The following PATJ variants were observed in gnomAD, a reference collection of about 807,000 sequenced individuals.
The protein encoded by PATJ is PATJ crumbs cell polarity complex component, also known as inaD-like protein.
In PATJ, 190 loss-of-function variants were observed where a neutral mutation model predicts 224.9. That is an observed-to-expected ratio of 0.84 (90% CI 0.75 to 0.95). The LOEUF is 0.95. Among genes scored for constraint, PATJ ranks in the 40% least tolerant of loss-of-function variants. The pLI, the probability that PATJ is intolerant of heterozygous loss-of-function variation, is 0.00. For missense variants in PATJ, 2,121 were observed against 2,270.3 expected, an observed-to-expected ratio of 0.93 and a Z score of 1.34; for synonymous variants, 769 against 820.3, an observed-to-expected ratio of 0.94 and a Z score of 1.07.
At chr1:61,965,769 A>G (rs1167706913) in intron 27 of PATJ, among the ~76,000 whole-genome samples, 1 of 152,220 alleles carries the variant, frequency 6.6e-6, no homozygotes, top group East Asian at 1.9e-4. Context: ...GTTTTAACCG[A>G]GGAGGCAGTG....
chr1:61,908,455 T>C lies in PATJ; in HGVS notation c.3465T>C (p.Ile1155=). 6.2e-7 allele frequency: 1 copy of C among 1,613,654 alleles called. No homozygotes were observed. The highest frequency in any genetic ancestry group is 1.3e-5 in the African/African-American group (1 of 75,038). ...IKNAGNPVVF[I]VQSLSSTPRV... ...ATGCAGGAAACCCTGTGGTGTTCAT[T>C]GTTCAGAGTTTGTCATCCACTCCAC... The change falls in exon 25 of 44, where the codon ATT becomes ATC. Residue 1155 remains isoleucine, a synonymous_variant. Coordinates refer to ENST00000642238, the MANE Select transcript of PATJ (RefSeq NM_001350145.3).
chr1:61,824,830 T>C (rs1195734929), intron 15 of PATJ, among the ~76,000 whole-genome samples: 9 of 152,156 alleles, frequency 5.9e-5, no homozygotes, highest in Admixed American at 5.9e-4. Context: ...GTATAGAAAG[T>C]ATAGGTGATC....
At chr1:61,984,821 C>T (rs935187755) in intron 27 of PATJ, among the ~76,000 whole-genome samples, 1 of 151,986 alleles carries the variant, frequency 6.6e-6, no homozygotes, top group African/African-American at 2.4e-5. Flanking sequence ...TTTCTCAATG[C>T]TCTTATCTCT....
chr1:61,924,897 C>A (rs1327938143), intron 26 of PATJ, among the ~76,000 whole-genome samples: 1 of 151,960 alleles, frequency 6.6e-6, no homozygotes, highest in Admixed American at 6.6e-5. Flanking sequence ...CAGTAGGACC[C>A]AAGACATGTT....
At chr1:61,786,687 A>C (rs1648603738) in intron 7 of PATJ, among the ~76,000 whole-genome samples, 1 of 151,970 alleles carries the variant, frequency 6.6e-6, no homozygotes, top group Non-Finnish European at 1.5e-5. Flanking sequence ...GATCCTATTG[A>C]CAGTTTATTA....
At chr1:61,869,381 G>T (rs1228846519) in intron 20 of PATJ, among the ~76,000 whole-genome samples, 3 of 152,104 alleles carry the variant, frequency 2.0e-5, no homozygotes, top group African/African-American at 7.2e-5. Flanking sequence ...TAACATTTTT[G>T]ATTATGTTGA....
At chr1:61,864,008 T>C (rs756368845) in intron 19 of PATJ, among the ~76,000 whole-genome samples, 13 of 152,258 alleles carry the variant, frequency 8.5e-5, no homozygotes, top group Admixed American at 2.6e-4. Flanking sequence ...ATCATTCACC[T>C]TGCCAAGGGC....
At chr1:62,141,444 A>G (rs1041757843) in intron 41 of PATJ, among the ~76,000 whole-genome samples, 2 of 151,316 alleles carry the variant, frequency 1.3e-5, no homozygotes, top group Admixed American at 6.6e-5. Context: ...GGAGGCCGAG[A>G]TGGCCAGATC....
intron 1 of PATJ, among the ~76,000 whole-genome samples, chr1:61,756,090 G>T (rs112522978): frequency 1.7e-4 from 26 of 152,238 alleles, no homozygotes; most frequent in African/African-American, 6.3e-4. Context: ...ACCGCACCTG[G>T]CCACCAAGTT....
At chr1:61,813,378 T>TATATACACAC (rs1376176032) in intron 14 of PATJ, among the ~76,000 whole-genome samples, 2 of 46,352 alleles carry the variant, frequency 4.3e-5, no homozygotes, top group African/African-American at 1.5e-4. Flanking sequence ...TATATATATA[T>TATATACACAC]ACACACACAC....
chr1:61,909,206 C>T (rs1672267062), intron 25 of PATJ, among the ~76,000 whole-genome samples: 1 of 152,184 alleles, frequency 6.6e-6, no homozygotes, highest in Non-Finnish European at 1.5e-5. Context: ...TCTCAAACTC[C>T]TGACCTCAAG....
At chr1:62,033,131 A>G (rs1649650519) in intron 29 of PATJ, among the ~76,000 whole-genome samples, 1 of 152,200 alleles carries the variant, frequency 6.6e-6, no homozygotes, top group South Asian at 2.1e-4. Context: ...CCACAATTGT[A>G]GTTGTTCATT....
At chr1:62,046,258 G>T (rs1367038595) in intron 30 of PATJ, among the ~76,000 whole-genome samples, 1 of 140,462 alleles carries the variant, frequency 7.1e-6, no homozygotes, top group African/African-American at 2.6e-5. Context: ...GGGAGGGAGG[G>T]AAAGGATCCA....
At chr1:61,854,475 A>G (rs1474647215) in intron 17 of PATJ, among the ~76,000 whole-genome samples, 3 of 152,188 alleles carry the variant, frequency 2.0e-5, no homozygotes, top group African/African-American at 7.2e-5. Context: ...AGATGGCCAT[A>G]TGAATATTTC....
At chr1:62,111,807 C>T (rs1198036742) in intron 34 of PATJ, among the ~76,000 whole-genome samples, 1 of 151,946 alleles carries the variant, frequency 6.6e-6, no homozygotes, top group South Asian at 2.1e-4. Context: ...ATTATGGGCG[C>T]CTGCCACCAG....
chr1:61,787,356 A>G lies in PATJ; in HGVS notation c.850-398A>G, dbSNP rs140142707. On this transcript the variant is annotated intron_variant, in intron 7 of 43. Transcript: ENST00000642238. ...ACTGGCATCTTTCTATTCCTCAAAC[A>G]TGTCACTGAGGATGTTGGTTGTGAA... Among the ~76,000 whole-genome samples, 27 of 152,188 alleles carry G rather than the reference A, an allele frequency of 1.8e-4. No individual in the cohort carries two copies. In the East Asian group the frequency reaches 4.1e-3, roughly 23 times the overall value.
chr1:62,084,721 C>A (rs2148757513), intron 33 of PATJ, 73 bp downstream of exon 33: 1 of 1,462,330 alleles, frequency 6.8e-7, no homozygotes, highest in Non-Finnish European at 9.5e-7. Context: ...CCCTGCGCCA[C>A]AACTCTGCAA....
chr1:62,044,163 A>T (rs1036732253), intron 30 of PATJ, among the ~76,000 whole-genome samples: 1 of 152,262 alleles, frequency 6.6e-6, no homozygotes, highest in African/African-American at 2.4e-5. Context: ...AATACAGTAC[A>T]TTGTTGTACA....
chr1:61,787,469 AT>A (rs1384304169), intron 7 of PATJ, among the ~76,000 whole-genome samples: 1 of 152,204 alleles, frequency 6.6e-6, no homozygotes, highest in South Asian at 2.1e-4. Flanking sequence ...ACACGTGACC[AT>A]TAACACCCAA....
Sources: gnomAD v4.1 joint callset for allele counts (sites outside exome capture counted in the v4.1 genomes callset) on GRCh38, gnomAD v4.1.1 for gene constraint, MANE v1.5 for transcripts, NCBI Gene and HGNC (gene_info 2026-07-23, HGNC 2026-07-21) for gene names.